Variants in FSTL5 observed in about 807,000 individuals in gnomAD.
FSTL5 encodes follistatin-related protein 5.
A neutral mutation model predicts 89.1 loss-of-function variants in FSTL5; 62 were observed. That is an observed-to-expected ratio of 0.70 (90% confidence interval 0.57 to 0.86). FSTL5 has a LOEUF of 0.86. Ranked by LOEUF, FSTL5 falls within the 40% of genes least tolerant of loss-of-function variation. The pLI is 0.00. For synonymous variants in FSTL5, 383 were observed against 346.2 expected (o/e 1.11, Z -1.18); for missense variants, 1,057 against 1,001.6 (o/e 1.06, Z -0.75).
intron 3 of FSTL5, among the ~76,000 whole-genome samples, chr4:161,966,873 G>A (rs761777187): frequency 3.3e-5 from 5 of 151,808 alleles, no homozygotes; most frequent in Admixed American, 6.6e-5. Context: ...GATTCTACTT[G>A]GGTATATCTA....
At chr4:161,521,866 A>AAAAAAAAAAAAAAAAAAAG (rs1731046246) in intron 10 of FSTL5, among the ~76,000 whole-genome samples, 1 of 116,388 alleles carries the variant, frequency 8.6e-6, no homozygotes, top group Non-Finnish European at 1.8e-5. Flanking sequence ...AAAAAAAAAG[A>AAAAAAAAAAAAAAAAAAAG]AAAAAAAAGA....
At chr4:161,818,087 C>CA (rs1297154233) in intron 4 of FSTL5, among the ~76,000 whole-genome samples, 1 of 152,170 alleles carries the variant, frequency 6.6e-6, no homozygotes, top group Non-Finnish European at 1.5e-5. Flanking sequence ...GAGACAGAGG[C>CA]AGCTGGATGT....
chr4:161,565,427 G>GA lies in FSTL5; in HGVS notation c.1015+22027dup, dbSNP rs369227122. ...TAAATACATATATATGTTTTTGAGGGAAAAAATGCTAGTTGCATTAACACA... is the reference window on the plus strand; with the variant it reads ...TAAATACATATATATGTTTTTGAGGGAAAAAAATGCTAGTTGCATTAACACA... On this transcript the variant is annotated intron_variant, in intron 8 of 15. Coordinates refer to ENST00000306100, the MANE Select transcript of FSTL5 (RefSeq NM_020116.5). Among the ~76,000 whole-genome samples the GA allele has an allele frequency of 1.1e-4, 16 of 151,518 alleles. 1 individual carries two copies. The South Asian group carries it at 1.5e-3, about 14-fold the overall frequency.
At chr4:161,799,125 T>C (rs1729721748) in intron 4 of FSTL5, among the ~76,000 whole-genome samples, 1 of 151,800 alleles carries the variant, frequency 6.6e-6, no homozygotes, top group Admixed American at 6.6e-5. Context: ...GGAGGAGTCA[T>C]TTGATCTTTC....
chr4:161,764,989 A>T (rs1160271771), intron 5 of FSTL5, among the ~76,000 whole-genome samples: 1 of 152,236 alleles, frequency 6.6e-6, no homozygotes, highest in Non-Finnish European at 1.5e-5. Flanking sequence ...CTGGGCATAT[A>T]ACAACAGTTA....
chr4:161,433,573 GAGAA>G (rs112536596), intron 15 of FSTL5, among the ~76,000 whole-genome samples: 2,707 of 152,038 alleles, frequency 0.018, 81 homozygotes, highest in African/African-American at 0.062. Context: ...AATCAAACAA[GAGAA>G]AGAAATAAAG....
chr4:161,777,029 C>T (rs755489256), intron 4 of FSTL5, among the ~76,000 whole-genome samples: 2 of 151,910 alleles, frequency 1.3e-5, no homozygotes, highest in African/African-American at 2.4e-5. Flanking sequence ...CCATCACCCC[C>T]GCCACTATCT....
intron 3 of FSTL5, among the ~76,000 whole-genome samples, chr4:162,013,861 A>T (rs1290394114): frequency 6.6e-6 from 1 of 152,156 alleles, no homozygotes; most frequent in East Asian, 1.9e-4. Flanking sequence ...GGCATTAAAA[A>T]AATATGCCTA....
chr4:161,909,641 G>A (rs1483264489), intron 4 of FSTL5, among the ~76,000 whole-genome samples: 1 of 152,068 alleles, frequency 6.6e-6, no homozygotes, highest in East Asian at 1.9e-4. Context: ...GCAGTCTGAT[G>A]AGAATAACAC....
intron 3 of FSTL5, among the ~76,000 whole-genome samples, chr4:161,960,506 G>T (rs551399307): frequency 1.3e-5 from 2 of 151,936 alleles, no homozygotes; most frequent in African/African-American, 4.8e-5. Context: ...TGTAACCAAT[G>T]AAATTATATG....
intron 1 of FSTL5, among the ~76,000 whole-genome samples, chr4:162,117,755 A>T (rs966676858): frequency 6.6e-6 from 1 of 152,226 alleles, no homozygotes; most frequent in African/African-American, 2.4e-5. Context: ...CCACAAAGTT[A>T]ACTCAGTAAA....
chr4:162,020,179 T>C (rs1737031618), intron 3 of FSTL5, among the ~76,000 whole-genome samples: 1 of 151,946 alleles, frequency 6.6e-6, no homozygotes, highest in South Asian at 2.1e-4. Context: ...TTTGAATAAA[T>C]GGCACTGCAC....
chr4:162,089,287 A>G (rs1016555170), intron 2 of FSTL5, among the ~76,000 whole-genome samples: 17 of 152,118 alleles, frequency 1.1e-4, no homozygotes, highest in African/African-American at 4.1e-4. Context: ...ACACCAAGGG[A>G]TGCTGATGGA....
At chr4:162,046,131 C>T (rs1214281618) in intron 2 of FSTL5, among the ~76,000 whole-genome samples, 1 of 152,120 alleles carries the variant, frequency 6.6e-6, no homozygotes, top group Admixed American at 6.6e-5. Flanking sequence ...ACTATTGGAA[C>T]ACGGGTTTTT....
intron 2 of FSTL5, among the ~76,000 whole-genome samples, chr4:162,064,267 A>C (rs879524001): frequency 6.6e-6 from 1 of 152,036 alleles, no homozygotes; most frequent in South Asian, 2.1e-4. Flanking sequence ...ATATTTTGCT[A>C]ACTGCATCTG....
chr4:161,498,744 T>C (rs1453892928), intron 12 of FSTL5, among the ~76,000 whole-genome samples: 2 of 152,198 alleles, frequency 1.3e-5, no homozygotes, highest in African/African-American at 4.8e-5. Flanking sequence ...TAGTCCATAT[T>C]TCTTATTCAG....
chr4:161,837,038 TA>T (rs1371821515), intron 4 of FSTL5, among the ~76,000 whole-genome samples: 1 of 152,138 alleles, frequency 6.6e-6, no homozygotes, highest in African/African-American at 2.4e-5. Context: ...CCTATGAGTC[TA>T]AAAACTCAGA....
intron 1 of FSTL5, among the ~76,000 whole-genome samples, chr4:162,119,625 G>A (rs957109392): frequency 1.1e-4 from 17 of 152,294 alleles, no homozygotes; most frequent in African/African-American, 4.1e-4. Flanking sequence ...TTAGATCAGG[G>A]TAAGTTGCAT....
At chr4:161,840,674 G>A (rs1380036864) in intron 4 of FSTL5, among the ~76,000 whole-genome samples, 2 of 152,100 alleles carry the variant, frequency 1.3e-5, no homozygotes, top group African/African-American at 4.8e-5. Context: ...CCTAATCTGT[G>A]ATATCTGATA....
Sources: gnomAD v4.1 joint callset for allele counts (sites outside exome capture counted in the v4.1 genomes callset) on GRCh38, gnomAD v4.1.1 for gene constraint, MANE v1.5 for transcripts, NCBI Gene and HGNC (gene_info 2026-07-23, HGNC 2026-07-21) for gene names.